MUC4: variants seen among roughly 807,000 people sequenced by gnomAD.
MUC4 encodes mucin 4, cell surface associated.
A neutral mutation model predicts 257.9 loss-of-function variants in MUC4; 202 were observed. The ratio of observed to expected loss-of-function variants is 0.78; its 90% confidence interval spans 0.70 to 0.88. MUC4 has a LOEUF of 0.88. MUC4 is among the 40% of genes least tolerant of loss of function. MUC4 has a pLI of 0.00. For missense variants in MUC4, 5,976 were observed against 6,513.7 expected, an observed-to-expected ratio of 0.92 and a Z score of 2.84; for synonymous variants, 2,351 against 2,757.1, an observed-to-expected ratio of 0.85 and a Z score of 4.62.
At chr3:195,758,861 G>A (rs2641718) in intron 17 of MUC4, among the ~76,000 whole-genome samples, 94,333 of 151,494 alleles carry the variant, frequency 0.62, 30,620 homozygotes, top group East Asian at 0.8. Context: ...ATGAGCCACC[G>A]CGCCCAGCCT....
chr3:195,790,670 C>T lies in MUC4; in HGVS notation c.910G>A (p.Gly304Arg). The T allele has an allele frequency of 1.9e-6, 3 of 1,613,930 alleles. No homozygotes were observed. The highest frequency in any genetic ancestry group is 2.5e-6 in the Non-Finnish European group (3 of 1,179,870). ...SAALVTFDPE[G>R]QSPATFSRTS... ...CTTGAGAAAGTTGCTGGTGATTGTC[C>T]TTCTGGATCAAATGTTACTAAGGCT... is the stretch of plus-strand genomic sequence containing the variant. The change falls in exon 2 of 25, where the codon GGA becomes AGA. Residue 304 changes from glycine (G) to arginine (R), a missense_variant. Gly to Arg is a moderately radical substitution (Grantham distance 125). Transcript: ENST00000463781.
At position 195,782,842 on chromosome 3, in the gene MUC4, A is replaced by G; in HGVS notation, c.8738T>C (p.Leu2913Pro). 1 of 1,507,946 alleles carries G rather than the reference A, an allele frequency of 6.6e-7. No individual in the cohort carries two copies. Among genetic ancestry groups the G allele is most frequent in the African/African-American group, 1.4e-5 (1 of 69,986 alleles). 93.4% of individuals were successfully genotyped at this position (1,507,946 alleles called of 1,614,324 possible). ...SSVSTGDTTP[L>P]PVTDTSSAST... Reference sequence around the variant, plus strand: ...TGCTGAGGAAGTGTCGGTGACAGGAAGAGGCGTGGTGTCACCTGTGGATAC... The same window carrying G: ...TGCTGAGGAAGTGTCGGTGACAGGAGGAGGCGTGGTGTCACCTGTGGATAC... Residue 2913 changes from leucine to proline, a missense_variant, in exon 2 of 25, where the codon CTT (leucine) becomes CCT (proline). Physicochemically the swap from Leu to Pro is moderately conservative, Grantham distance 98. Around this residue, in one of 44 missense-constraint regions of MUC4, gnomAD observed 228 missense variants for 206.3 expected, o/e 1.11. Transcript: ENST00000463781.
chr3:195,792,491 G>A (rs2149044935), intron 1 of MUC4, among the ~76,000 whole-genome samples: 1 of 152,330 alleles, frequency 6.6e-6, no homozygotes. Flanking sequence ...GCAGATGCTG[G>A]CAAGGCTGTG....
chr3:195,764,106 A>C lies in MUC4; in HGVS notation c.13983T>G (p.Cys4661Trp). 1 of 1,605,060 alleles carries C rather than the reference A, an allele frequency of 6.2e-7. No individual in the cohort carries two copies. Among genetic ancestry groups the C allele is most frequent in the Non-Finnish European group, 8.5e-7 (1 of 1,176,360 alleles). Residue 4661 changes from cysteine (C) to tryptophan (W), a missense_variant, in exon 11 of 25, where the codon TGT becomes TGG. Cys to Trp is a radical substitution (Grantham distance 215, BLOSUM62 -2). Around this residue, in one of 44 missense-constraint regions of MUC4, gnomAD observed 996 missense variants for 1,137.3 expected, o/e 0.88. Transcript: ENST00000463781. Reference sequence around the variant, plus strand: ...GGGGCCGCCTCTGCTGGTACAGGGCACAGAGGTAGGGCTTGTCATTCCAGC... The same window carrying C: ...GGGGCCGCCTCTGCTGGTACAGGGCCCAGAGGTAGGGCTTGTCATTCCAGC... ...CCRWNDKPYLCALYQQRRPHV... is the reference protein window; with the variant it reads ...CCRWNDKPYLWALYQQRRPHV...
At chr3:195,758,998 G>A (rs964056763) in intron 17 of MUC4, 126 bp downstream of exon 17, 18 of 1,296,136 alleles carry the variant, frequency 1.4e-5, no homozygotes, top group Admixed American at 5.9e-5. Context: ...TGCCGGTCCT[G>A]GATATTCAAA....
chr3:195,789,502 G>T lies in MUC4; in HGVS notation c.2078C>A (p.Thr693Lys). ...CCCGGTGGGAGCTGGGGCAAAGGTT[G>T]TTGCTGCACTTATGGTGGGTGCGTC... ...PQDAPTISAA[T>K]TFAPAPTGDG... Residue 693 changes from threonine to lysine, a missense_variant, in exon 2 of 25, where the codon ACA becomes AAA. Transcript: ENST00000463781. 8 of 1,613,858 alleles carry T rather than the reference G, an allele frequency of 5.0e-6. No homozygotes were observed. The highest frequency in any genetic ancestry group is 3.4e-6 in the Non-Finnish European group (4 of 1,179,842).
intron 18 of MUC4, among the ~76,000 whole-genome samples, 161 bp from the exon 19 acceptor site, chr3:195,754,533 G>A (rs908761817): frequency 2.0e-5 from 3 of 152,250 alleles, no homozygotes; most frequent in Non-Finnish European, 4.4e-5. Flanking sequence ...GCCGTGGGGC[G>A]GCAAGGCCCT....
At chr3:195,802,979 T>C (rs1054963249) in intron 1 of MUC4, among the ~76,000 whole-genome samples, 1 of 152,140 alleles carries the variant, frequency 6.6e-6, no homozygotes, top group African/African-American at 2.4e-5. Flanking sequence ...TCCCTCCCTC[T>C]TCTCACCGTC....
At chr3:195,795,967 T>C (rs76019599) in intron 1 of MUC4, among the ~76,000 whole-genome samples, 1,606 of 152,126 alleles carry the variant, frequency 0.011, 33 homozygotes, top group African/African-American at 0.037. Flanking sequence ...GATGAATTTA[T>C]ACCAAAAAGT....
In MUC4 at chr3:195,790,488, T is replaced by A; in HGVS notation, c.1092A>T (p.Thr364=). The A allele has an allele frequency of 6.2e-7, 1 of 1,614,054 alleles. No individual in the cohort carries two copies. Among genetic ancestry groups the A allele is most frequent in the Non-Finnish European group, 8.5e-7 (1 of 1,179,906 alleles). ...CAGAAGGGAATGTCTCCTGAGAAAC[T>A]GTTCCACTTGGGTTGAATCCACTTG... ...SSPSGFNPSG[T]VSQETFPSGE... Residue 364 remains threonine (T), a synonymous_variant, in exon 2 of 25, where the codon ACA becomes ACT. Coordinates refer to ENST00000463781, the MANE Select transcript of MUC4 (RefSeq NM_018406.7).
chr3:195,752,011 G>A, intron 21 of MUC4: 1 of 297,890 alleles, frequency 3.4e-6, no homozygotes. Context: ...CACTTTGCCT[G>A]TGACTGAGGT....
In MUC4 at chr3:195,750,880, C is replaced by T. The variant is rs375493373; in HGVS notation, c.15871+9G>A. On this transcript the variant is annotated intron_variant, in intron 23 of 24. Transcript: ENST00000463781. ...ACCCCCATAGTGTCCCCGGAATGGA[C>T]GGACTCACGGGCTGTCACATCGCGC... 100 of 1,612,302 alleles carry T rather than the reference C, an allele frequency of 6.2e-5. No individual in the cohort carries two copies. The African/African-American group carries it at 6.4e-4, about 10-fold the overall frequency.
intron 8 of MUC4, among the ~76,000 whole-genome samples, chr3:195,765,754 C>T (rs373320110): frequency 6.5e-4 from 99 of 152,348 alleles, no homozygotes; most frequent in African/African-American, 1.8e-3. Context: ...ACTATTATTT[C>T]TTTCCCATTG....
chr3:195,755,216 G>A lies in MUC4; in HGVS notation c.15169-844C>T, dbSNP rs1184077228. On this transcript the variant is annotated intron_variant, in intron 18 of 24. Transcript: ENST00000463781. This position sits in a 1 kb window ranked among gnomAD's most constrained non-coding sequence, Gnocchi z 5.0. ...TTTTTCTTCTGCTTTTTTTTTTAATGAGACAGTCTCGTTCTGTTTCCCACG... is the reference window on the plus strand; with the variant it reads ...TTTTTCTTCTGCTTTTTTTTTTAATAAGACAGTCTCGTTCTGTTTCCCACG... Among the ~76,000 whole-genome samples, 1 of 150,652 alleles carries A rather than the reference G, an allele frequency of 6.6e-6. No homozygotes were observed. The highest frequency in any genetic ancestry group is 1.5e-5 in the Non-Finnish European group (1 of 67,668).
Position 195,787,050 on chromosome 3 carries a change from A to T in MUC4, c.4530T>A (p.Pro1510=), listed in dbSNP as rs1732465454. ...GHVTPLHVTS[P]SSASTGHATP... is the part of the protein sequence containing the mutation. The stretch of plus-strand genomic sequence containing the variant: ...TGGCGTGACCTGTGGATGCTGAGGA[A>T]GGGCTGGTGACATGAAGAGGAGTGA... The change falls in exon 2 of 25, where the codon CCT becomes CCA. Residue 1510 remains proline (P), a synonymous_variant. Coordinates refer to ENST00000463781, the MANE Select transcript of MUC4 (RefSeq NM_018406.7). The T allele has an allele frequency of 1.4e-6, 2 of 1,435,498 alleles. No individual in the cohort carries two copies. The highest frequency in any genetic ancestry group is 2.5e-5 in the East Asian group (1 of 39,922). 88.9% of individuals were successfully genotyped at this position (1,435,498 alleles called of 1,614,324 possible).
chr3:195,784,646 A>T lies in MUC4; in HGVS notation c.6934T>A (p.Ser2312Thr), dbSNP rs202167429. Residue 2312 changes from serine (S) to threonine (T), a missense_variant, in exon 2 of 25, where the codon TCA becomes ACA. Around this residue, in one of 44 missense-constraint regions of MUC4, gnomAD observed 62 missense variants for 74.0 expected, o/e 0.84. Transcript: ENST00000463781. ...GGGGTGGCGTGACCTGTGGATGCTG[A>T]GGAAGCGTCGGTGACATGAAGAGGG... Reference protein sequence around the residue: ...ATPLHVTDASSASTGHATPLP... With the variant: ...ATPLHVTDASTASTGHATPLP... The T allele has an allele frequency of 2.2e-6, 3 of 1,378,136 alleles. No individual in the cohort carries two copies. The highest frequency in any genetic ancestry group is 2.9e-6 in the Non-Finnish European group (3 of 1,027,612). The allele number at this position is 1,378,136 out of a possible 1,614,324, so 85.4% of individuals were successfully genotyped here.
chr3:195,798,636 G>A (rs554441167), intron 1 of MUC4, among the ~76,000 whole-genome samples: 17 of 151,884 alleles, frequency 1.1e-4, no homozygotes, highest in Admixed American at 4.6e-4. Flanking sequence ...CCCGGGAGGC[G>A]GAGCTTGCAG....
chr3:195,802,161 C>T (rs1282339739), intron 1 of MUC4, among the ~76,000 whole-genome samples: 1 of 152,220 alleles, frequency 6.6e-6, no homozygotes, highest in Non-Finnish European at 1.5e-5. Context: ...TTTCTTCCTT[C>T]CTTCTGTTCA....
rs961477366 is a variant in MUC4, at chr3:195,788,908, G to A, written c.2672C>T (p.Pro891Leu). Residue 891 changes from proline (P) to leucine (L), a missense_variant, in exon 2 of 25, where the codon CCA (proline) becomes CTA (leucine). Coordinates refer to ENST00000463781, the MANE Select transcript of MUC4 (RefSeq NM_018406.7). ...TAGRPTGQSS[P>L]TSPSASPQET... ...CTGAGGAGAGGCACTGGGAGAAGTT[G>A]GGCTTGACTGTCCTGTCGGTCTCCC... The A allele has an allele frequency of 6.2e-7, 1 of 1,613,690 alleles. No homozygotes were observed.
Sources: allele counts gnomAD v4.1 joint callset (sites outside exome capture counted in the v4.1 genomes callset), GRCh38; gene constraint gnomAD v4.1.1; regional missense constraint gnomAD v4.1.1; non-coding constraint Gnocchi (gnomAD v3.1); transcripts MANE v1.5; gene names NCBI Gene and HGNC (gene_info 2026-07-23, HGNC 2026-07-21).